Variants in GRIN2B observed in about 807,000 individuals in gnomAD.
The protein encoded by GRIN2B is glutamate receptor ionotropic, NMDA 2B.
GRIN2B carries 5 observed loss-of-function variants against 114.5 expected under a neutral mutation model. The ratio of observed to expected loss-of-function variants is 0.04; its 90% CI spans 0.02 to 0.09. The LOEUF (loss-of-function observed/expected upper bound fraction) is 0.09. Among genes scored for constraint, GRIN2B ranks in the 10% least tolerant of loss-of-function variants. The pLI, the probability that GRIN2B is intolerant of heterozygous loss-of-function variation, is 1.00. For synonymous variants in GRIN2B, 787 were observed against 745.1 expected (o/e 1.06, Z -0.92); for missense variants, 1,108 against 1,943.5 (o/e 0.57, Z 8.08).
intron 2 of GRIN2B, among the ~76,000 whole-genome samples, chr12:13,875,046 A>G (rs921776236): frequency 2.0e-5 from 3 of 152,050 alleles, no homozygotes; most frequent in Admixed American, 6.5e-5. Context: ...TCCATTAGCT[A>G]TTCTTCCTGA....
chr12:13,628,523 C>G (rs556566081), intron 5 of GRIN2B, among the ~76,000 whole-genome samples: 1 of 152,338 alleles, frequency 6.6e-6, no homozygotes, highest in South Asian at 2.1e-4. Flanking sequence ...ACTAACCCCT[C>G]TCAGATATAG....
chr12:13,745,719 T>C (rs956854254), intron 4 of GRIN2B, among the ~76,000 whole-genome samples: 2 of 152,256 alleles, frequency 1.3e-5, no homozygotes, highest in African/African-American at 4.8e-5. Context: ...AATGCTTTGA[T>C]GCTAAGGAAA....
At chr12:13,571,612 A>G (rs1204256156) in intron 11 of GRIN2B, among the ~76,000 whole-genome samples, 192 bp downstream of exon 11, 1 of 152,246 alleles carries the variant, frequency 6.6e-6, no homozygotes, top group Admixed American at 6.5e-5. Flanking sequence ...TAGAAGTAAT[A>G]GCATAGGAAT....
rs368779956 is a variant in GRIN2B at position 13,778,665 on chromosome 12, C to G, written c.412-24750G>C. 5.9e-5 allele frequency among the ~76,000 whole-genome samples: 9 copies of G among 152,310 alleles called. No individual in the cohort carries two copies. In the East Asian group the frequency reaches 9.6e-4, roughly 16 times the overall value. On this transcript the variant is annotated intron_variant, in intron 3 of 13. Coordinates refer to ENST00000609686, the MANE Select transcript of GRIN2B (RefSeq NM_000834.5). ...TACCAGCTAAACTTTAATCAAGTGGCTCATCAAGAACGATCTTACTTGATT... is the reference window on the plus strand; with the variant it reads ...TACCAGCTAAACTTTAATCAAGTGGGTCATCAAGAACGATCTTACTTGATT...
chr12:13,611,706 C>T lies in GRIN2B; in HGVS notation c.1780+19G>A, dbSNP rs201169461. 8.9e-5 allele frequency: 143 copies of T among 1,612,088 alleles called. No homozygotes were observed. Among genetic ancestry groups the T allele is most frequent in the Non-Finnish European group, 9.9e-5 (117 of 1,178,184 alleles). On this transcript the variant is annotated intron_variant, in intron 9 of 13. Transcript: ENST00000609686. ...GGAGAAAAAAACTGGGGAAGTGCAG[C>T]GGTTCCAGCCGGCCTTACCTCTGCC...
At chr12:13,921,078 A>T (rs747417253) in intron 2 of GRIN2B, among the ~76,000 whole-genome samples, 4 of 152,196 alleles carry the variant, frequency 2.6e-5, no homozygotes, top group Non-Finnish European at 5.9e-5. Context: ...TCACTGAAAC[A>T]TCATAGGGAA....
In GRIN2B at chr12:13,563,371, CTTGG is replaced by C; in HGVS notation, c.3863_3866del (p.Ser1288TrpfsTer34). 6.2e-7 allele frequency: 1 copy of C among 1,614,190 alleles called. No homozygotes were observed. The highest frequency in any genetic ancestry group is 8.5e-7 in the Non-Finnish European group (1 of 1,180,042). ...GTTTGTTCCGGTTCTTCTTCTGGGC[CTTGG>C]AATTAGTCGGGCTCTGAGGGTACTT... On this transcript the variant is annotated frameshift_variant, in exon 14 of 14. Transcript: ENST00000609686. LOFTEE classifies it high-confidence loss of function.
chr12:13,704,398 C>T (rs1950340354), intron 4 of GRIN2B, among the ~76,000 whole-genome samples: 1 of 152,192 alleles, frequency 6.6e-6, no homozygotes. Flanking sequence ...AATCCTTGAA[C>T]ATGCATTTTA....
chr12:13,928,154 T>C (rs1028296153), intron 2 of GRIN2B, among the ~76,000 whole-genome samples: 1 of 150,866 alleles, frequency 6.6e-6, no homozygotes, highest in Non-Finnish European at 1.5e-5. Flanking sequence ...CTACTAAAAA[T>C]AGAAAAATTT....
At chr12:13,716,940 A>C (rs1458929853) in intron 4 of GRIN2B, among the ~76,000 whole-genome samples, 2 of 152,000 alleles carry the variant, frequency 1.3e-5, no homozygotes, top group Admixed American at 1.3e-4. Flanking sequence ...GAACTATAGA[A>C]AACTACTAAA....
chr12:13,826,957 A>AAAAAGATATTTTTGTATCTTTTT (rs550949126), intron 3 of GRIN2B, among the ~76,000 whole-genome samples: 1 of 151,574 alleles, frequency 6.6e-6, no homozygotes, highest in Non-Finnish European at 1.5e-5. Context: ...TTACATAGAT[A>AAAAAGATATTTTTGTATCTTTTT]AAAAGATATT....
intron 2 of GRIN2B, among the ~76,000 whole-genome samples, chr12:13,903,418 T>C (rs1866488258): frequency 6.6e-6 from 1 of 152,156 alleles, no homozygotes; most frequent in Non-Finnish European, 1.5e-5. Context: ...TAATGATATG[T>C]AGCATTTTAG....
chr12:13,851,634 A>G (rs1289214567), intron 3 of GRIN2B, among the ~76,000 whole-genome samples: 1 of 152,206 alleles, frequency 6.6e-6, no homozygotes, highest in Non-Finnish European at 1.5e-5. Context: ...GTTGATTTCA[A>G]AGTCAACCAC....
intron 2 of GRIN2B, among the ~76,000 whole-genome samples, chr12:13,899,116 C>T (rs1410683653): frequency 2.0e-5 from 3 of 152,046 alleles, no homozygotes; most frequent in Non-Finnish European, 4.4e-5. Context: ...AATTTAGAAC[C>T]TAACACTGTC....
intron 2 of GRIN2B, among the ~76,000 whole-genome samples, chr12:13,961,930 C>T (rs537699084): frequency 1.7e-4 from 26 of 152,228 alleles, no homozygotes; most frequent in African/African-American, 5.3e-4. Context: ...AATTCTCAGA[C>T]TTGGCTGTAC....
intron 5 of GRIN2B, among the ~76,000 whole-genome samples, chr12:13,665,406 A>G (rs770872160): frequency 7.9e-5 from 12 of 151,952 alleles, no homozygotes; most frequent in Non-Finnish European, 1.6e-4. Context: ...TAGTTTTAAA[A>G]CTCAAGTAGC....
chr12:13,622,440 C>T (rs1591646780), intron 5 of GRIN2B, among the ~76,000 whole-genome samples: 1 of 152,148 alleles, frequency 6.6e-6, no homozygotes, highest in Non-Finnish European at 1.5e-5. Flanking sequence ...CAGGAGGACA[C>T]CCTCACTTCC....
chr12:13,881,539 C>T (rs1866072886), intron 2 of GRIN2B, among the ~76,000 whole-genome samples: 1 of 152,214 alleles, frequency 6.6e-6, no homozygotes, highest in South Asian at 2.1e-4. Flanking sequence ...TATCCATCTG[C>T]CTAGTTGCCT....
At chr12:13,894,527 G>C (rs531622905) in intron 2 of GRIN2B, among the ~76,000 whole-genome samples, 1 of 152,062 alleles carries the variant, frequency 6.6e-6, no homozygotes, top group African/African-American at 2.4e-5. Context: ...AAAAATGCTG[G>C]AAGGAAATAA....
Sources: gnomAD v4.1 joint callset for allele counts (sites outside exome capture counted in the v4.1 genomes callset) on GRCh38, gnomAD v4.1.1 for gene constraint, MANE v1.5 for transcripts, NCBI Gene and HGNC (gene_info 2026-07-23, HGNC 2026-07-21) for gene names.